Variants in TNRC18 observed in about 807,000 individuals in gnomAD.
TNRC18 encodes the protein trinucleotide repeat-containing gene 18 protein.
A neutral mutation model predicts 226.7 loss-of-function variants in TNRC18; 69 were observed. That is an observed-to-expected ratio of 0.30 (90% confidence interval 0.25 to 0.37). The LOEUF is 0.37. Ranked by LOEUF, TNRC18 falls within the 10% of genes least tolerant of loss-of-function variation. The probability of loss-of-function intolerance (pLI) is 1.00; values close to 1 mark genes in which losing one functional copy is unlikely to be tolerated. For synonymous variants in TNRC18, 2,449 were observed against 1,927.6 expected (o/e 1.27, Z -7.09); for missense variants, 4,754 against 4,256.6 (o/e 1.12, Z -3.25).
At position 5,332,855 on chromosome 7, in the gene TNRC18, G is replaced by A. The variant is rs1789687548; in HGVS notation, c.5914C>T (p.Arg1972Trp). 6.0e-6 allele frequency: 9 copies of A among 1,510,316 alleles called. No homozygotes were observed. Among genetic ancestry groups the A allele is most frequent in the Non-Finnish European group, 7.0e-6 (8 of 1,138,678 alleles). 93.6% of individuals were successfully genotyped at this position (1,510,316 alleles called of 1,614,324 possible). The change falls in exon 19 of 30, where the codon CGG (arginine) becomes TGG (tryptophan). Residue 1972 changes from arginine (R) to tryptophan (W), a missense_variant. Coordinates refer to ENST00000430969, the MANE Select transcript of TNRC18 (RefSeq NM_001080495.3). The part of the protein sequence containing the change: ...KLAVEKGRKA[R>W]KLRGPKEPGF... ...GGCTCCTTGGGGCCCCGCAGCTTCC[G>A]GGCCTTGCGCCCCTTCTCCACCGCC...
intron 2 of TNRC18, chr7:5,419,982 ATTTTTTT>A (rs79807986): frequency 6.6e-6 from 1 of 152,042 alleles, no homozygotes; most frequent in Non-Finnish European, 1.4e-5. Context: ...CAGGAGGTGG[ATTTTTTT>A]TTTTTTTTAA....
chr7:5,362,698 C>T lies in TNRC18; in HGVS notation c.4347G>A (p.Glu1449=), dbSNP rs1793184574. Residue 1449 remains glutamate, a synonymous_variant, in exon 12 of 30, where the codon GAG becomes GAA. Coordinates refer to ENST00000430969, the MANE Select transcript of TNRC18 (RefSeq NM_001080495.3). ...DPLKNLRLPR[E]LKPNKKYSWM... ...AGCTGTACTTCTTGTTGGGCTTCAG[C>T]TCCCGCGGGAGCCGCAGGTTCTTGA... 6.3e-7 allele frequency: 1 copy of T among 1,585,734 alleles called. No individual in the cohort carries two copies. Among genetic ancestry groups the T allele is most frequent in the South Asian group, 1.1e-5 (1 of 86,984 alleles).
intron 4 of TNRC18, 65 bp from the exon 5 acceptor site, chr7:5,389,401 G>C (rs1475648537): frequency 1.1e-5 from 14 of 1,221,386 alleles, no homozygotes; most frequent in African/African-American, 1.6e-5. Context: ...TGCCTGGGCG[G>C]AGGCGGACCC....
chr7:5,388,863 T>C lies in TNRC18; in HGVS notation c.961A>G (p.Thr321Ala). The C allele has an allele frequency of 1.6e-6, 2 of 1,281,346 alleles. No individual in the cohort carries two copies. Among genetic ancestry groups the C allele is most frequent in the African/African-American group, 1.6e-5 (1 of 61,684 alleles). 79.4% of individuals were successfully genotyped at this position (1,281,346 alleles called of 1,614,324 possible). The part of the protein sequence containing the change: ...QDEGARLLRR[T>A]ETLLPGPRPC... Reference sequence around the variant, plus strand: ...CGCGGCCCAGGGAGCAGGGTCTCCGTGCGCCGCAGCAGCCGCGCGCCCTCG... The same window carrying C: ...CGCGGCCCAGGGAGCAGGGTCTCCGCGCGCCGCAGCAGCCGCGCGCCCTCG... Residue 321 changes from threonine to alanine, a missense_variant, in exon 5 of 30, where the codon ACG (threonine) becomes GCG (alanine). Coordinates refer to ENST00000430969, the MANE Select transcript of TNRC18 (RefSeq NM_001080495.3).
chr7:5,362,765 T>C lies in TNRC18; in HGVS notation c.4280A>G (p.His1427Arg), dbSNP rs1057377209. ...SLESLLAAGS[H>R]MLREVLDGPV... ...CCCATCCAGCACCTCCCTCAGCATGTGGCTGCCAGCTGCCAGCAGACTCTC... is the reference window on the plus strand; with the variant it reads ...CCCATCCAGCACCTCCCTCAGCATGCGGCTGCCAGCTGCCAGCAGACTCTC... The change falls in exon 12 of 30, where the codon CAC becomes CGC. Residue 1427 changes from histidine (H) to arginine (R), a missense_variant. Coordinates refer to ENST00000430969, the MANE Select transcript of TNRC18 (RefSeq NM_001080495.3). The C allele has an allele frequency of 6.4e-7, 1 of 1,572,058 alleles. No homozygotes were observed. The highest frequency in any genetic ancestry group is 1.4e-5 in the African/African-American group (1 of 73,932).
chr7:5,371,028 G>A lies in TNRC18; in HGVS notation c.3566C>T (p.Thr1189Ile), dbSNP rs1190193815. The A allele has an allele frequency of 1.7e-5, 28 of 1,609,428 alleles. No homozygotes were observed. Among genetic ancestry groups the A allele is most frequent in the Non-Finnish European group, 2.3e-5 (27 of 1,179,682 alleles). ...TCCACAACCCCCTGCAGGGCTGGGG[G>A]TAGCCATGGCTTCCGCGGCGGGCAG... ...LPLPAAEAMATPSPAGGCGGG... is the reference protein window; with the variant it reads ...LPLPAAEAMAIPSPAGGCGGG... The change falls in exon 11 of 30, where the codon ACC becomes ATC. Residue 1189 changes from threonine (T) to isoleucine (I), a missense_variant. Physicochemically the swap from Thr to Ile is moderately conservative, Grantham distance 89. Coordinates refer to ENST00000430969, the MANE Select transcript of TNRC18 (RefSeq NM_001080495.3).
At chr7:5,396,039 C>T (rs369489578) in intron 2 of TNRC18, among the ~76,000 whole-genome samples, 12 of 144,768 alleles carry the variant, frequency 8.3e-5, no homozygotes, top group African/African-American at 2.3e-4. Context: ...GGCGTGGTGG[C>T]GGGCACCTGT....
intron 18 of TNRC18, among the ~76,000 whole-genome samples, chr7:5,341,543 C>A (rs1467334463): frequency 2.0e-5 from 3 of 151,864 alleles, no homozygotes; most frequent in Non-Finnish European, 4.4e-5. Flanking sequence ...GCAGGAGGAT[C>A]ATTTGAGGTC....
chr7:5,332,401 C>G (rs1032381757), intron 19 of TNRC18, among the ~76,000 whole-genome samples: 17 of 152,340 alleles, frequency 1.1e-4, no homozygotes, highest in South Asian at 2.1e-4. Context: ...CCACTGCGCT[C>G]CAGCCTGGTG....
intron 11 of TNRC18, among the ~76,000 whole-genome samples, chr7:5,369,688 C>T (rs1297529629): frequency 6.6e-6 from 1 of 152,156 alleles, no homozygotes; most frequent in African/African-American, 2.4e-5. Context: ...CCAGCCATAC[C>T]TGAAATTACC....
chr7:5,415,618 TG>T (rs1217881148), intron 2 of TNRC18, among the ~76,000 whole-genome samples: 15 of 149,998 alleles, frequency 1.0e-4, no homozygotes, highest in African/African-American at 3.7e-4. Flanking sequence ...TGACCTCAGG[TG>T]ATCAGCCTGC....
At chr7:5,347,839 C>T (rs879772798) in intron 17 of TNRC18, among the ~76,000 whole-genome samples, 1 of 151,866 alleles carries the variant, frequency 6.6e-6, no homozygotes, top group Non-Finnish European at 1.5e-5. Context: ...CCTGTAATCC[C>T]GGCTACTCAG....
rs557994273 is a variant in TNRC18 at position 5,307,611 on chromosome 7, T to C, written c.*495A>G. 4 of 443,076 alleles carry C rather than the reference T, an allele frequency of 9.0e-6. No individual in the cohort carries two copies. Among genetic ancestry groups the C allele is most frequent in the Non-Finnish European group, 1.8e-5 (4 of 220,426 alleles). 27.4% of individuals were successfully genotyped at this position (443,076 alleles called of 1,614,324 possible). A position where few individuals can be genotyped will look rare whatever the true frequency, so the allele number is the denominator to read the frequency against. ...CCCTGGCACAGTCAGGTAGGCCAGC[T>C]GGCATCGGGCTGCCCTGTCCCATGC... On this transcript the variant is annotated 3_prime_UTR_variant, in exon 30 of 30. Transcript: ENST00000430969.
chr7:5,315,112 G>A lies in TNRC18; in HGVS notation c.6899C>T (p.Ala2300Val), dbSNP rs1787716515. Residue 2300 changes from alanine to valine, a missense_variant, in exon 26 of 30, where the codon GCC (alanine) becomes GTC (valine). Physicochemically the swap from Ala to Val is moderately conservative, Grantham distance 64. Transcript: ENST00000430969. The part of the protein sequence containing the change: ...EPSPALLVPS[A>V]KRRSRKTSKD... The stretch of plus-strand genomic sequence containing the variant: ...GCTGGTCTTCCGGCTGCGGCGCTTG[G>A]CACTTGGCACCAGAAGGGCCGGGGA... 6.2e-7 allele frequency: 1 copy of A among 1,612,954 alleles called. No homozygotes were observed.
At position 5,357,282 on chromosome 7, in the gene TNRC18, G is replaced by A. The variant is rs1285008212; in HGVS notation, c.4834-6C>T. ...TTCTTCTTCTTAATCTTTAGCTGGAGAGGGAAGGTGGGTCATGGGTTAAAA... is the reference window on the plus strand; with the variant it reads ...TTCTTCTTCTTAATCTTTAGCTGGAAAGGGAAGGTGGGTCATGGGTTAAAA... On this transcript the variant is annotated splice_region_variant and splice_polypyrimidine_tract_variant and intron_variant, in intron 15 of 29. Transcript: ENST00000430969. The A allele has an allele frequency of 1.9e-6, 3 of 1,606,884 alleles. No homozygotes were observed.
Position 5,394,448 on chromosome 7 carries a change from G to A in TNRC18, c.335C>T (p.Ala112Val). Residue 112 changes from alanine (A) to valine (V), a missense_variant, in exon 3 of 30, where the codon GCC (alanine) becomes GTC (valine). By Grantham distance (64) the Ala-to-Val change is moderately conservative (BLOSUM62 0). Transcript: ENST00000430969. The surrounding 1 kb of genome is among the most constrained non-coding windows in gnomAD (Gnocchi z 4.5). Reference protein sequence around the residue: ...LPMVQLWAAHAHEGFSHLPSG... With the variant: ...LPMVQLWAAHVHEGFSHLPSG... Reference sequence around the variant, plus strand: ...CCCGGCATGTTCCTTACCTTCATGGGCGTGGGCGGCCCACAGCTGCACCAT... The same window carrying A: ...CCCGGCATGTTCCTTACCTTCATGGACGTGGGCGGCCCACAGCTGCACCAT... The A allele has an allele frequency of 6.5e-7, 1 of 1,544,970 alleles. No homozygotes were observed. Among genetic ancestry groups the A allele is most frequent in the African/African-American group, 1.4e-5 (1 of 72,400 alleles).
intron 21 of TNRC18, among the ~76,000 whole-genome samples, chr7:5,323,312 C>T (rs1788564880): frequency 6.6e-6 from 1 of 151,972 alleles, no homozygotes. Context: ...CTCCCTGACC[C>T]GGGTCTCAGG....
In TNRC18 at chr7:5,377,318, C is replaced by T; in HGVS notation, c.2461+53G>A. ...CCCTGAGCTCTTGTCCTGCACCCGC[C>T]CCCTCCCACCCCTCCCTCAGAGAAG... On this transcript the variant is annotated intron_variant, in intron 7 of 29. Transcript: ENST00000430969. This position sits in a 1 kb window ranked among gnomAD's most constrained non-coding sequence, Gnocchi z 5.8. 2 of 994,128 alleles carry T rather than the reference C, an allele frequency of 2.0e-6. No homozygotes were observed. The highest frequency in any genetic ancestry group is 1.6e-5 in the South Asian group (1 of 62,830). 61.6% of individuals were successfully genotyped at this position (994,128 alleles called of 1,614,324 possible).
In TNRC18 at chr7:5,394,478, A is replaced by G. The variant is rs1419412690; in HGVS notation, c.305T>C (p.Leu102Pro). The G allele has an allele frequency of 1.9e-6, 3 of 1,559,632 alleles. No homozygotes were observed. The highest frequency in any genetic ancestry group is 2.6e-6 in the Non-Finnish European group (3 of 1,153,290). ...GGCGGCCCACAGCTGCACCATGGGC[A>G]GGTTGCTAGGGGTTGGGGAGCGGAA... Reference protein sequence around the residue: ...LSFRSPTPSNLPMVQLWAAHA... With the variant: ...LSFRSPTPSNPPMVQLWAAHA... Residue 102 changes from leucine (L) to proline (P), a missense_variant, in exon 3 of 30, where the codon CTG becomes CCG. Physicochemically the swap from Leu to Pro is moderately conservative, Grantham distance 98 (BLOSUM62 -3). Transcript: ENST00000430969. The surrounding 1 kb of genome is among the most constrained non-coding windows in gnomAD (Gnocchi z 4.5).
Sources: allele counts gnomAD v4.1 joint callset (sites outside exome capture counted in the v4.1 genomes callset), GRCh38; gene constraint gnomAD v4.1.1; non-coding constraint Gnocchi (gnomAD v3.1); transcripts MANE v1.5; gene names NCBI Gene and HGNC (gene_info 2026-07-23, HGNC 2026-07-21).